Variants in MEAK7 observed in about 807,000 individuals in gnomAD.
MEAK7 encodes the protein MTOR associated protein MEAK7, also known as MTOR-associated protein MEAK7.
A neutral mutation model predicts 40.5 loss-of-function variants in MEAK7; 68 were observed. The ratio of observed to expected loss-of-function variants is 1.68; its 90% CI spans 1.38 to 2.06. The LOEUF (loss-of-function observed/expected upper bound fraction) is 2.06. Ranked by LOEUF, MEAK7 falls within the 30% of genes most tolerant of loss-of-function variation. The pLI is 0.00. For synonymous variants in MEAK7, 338 were observed against 231.9 expected, an observed-to-expected ratio of 1.46 and a Z score of -4.16; for missense variants, 918 against 580.5, an observed-to-expected ratio of 1.58 and a Z score of -5.98.
chr16:84,499,101 G>A (rs960501165), intron 1 of MEAK7, among the ~76,000 whole-genome samples: 6 of 152,176 alleles, frequency 3.9e-5, no homozygotes, highest in Admixed American at 3.3e-4. Context: ...GAGGCGCTGG[G>A]GTAGCGTTAA....
chr16:84,489,561 T>TA (rs1472782328), intron 3 of MEAK7, 139 bp from the exon 4 acceptor site: 3 of 1,020,118 alleles, frequency 2.9e-6, no homozygotes, highest in Non-Finnish European at 2.8e-6. Context: ...GCAATGTATG[T>TA]AGTTACTCGT....
chr16:84,499,248 C>G (rs1162580787), intron 1 of MEAK7, among the ~76,000 whole-genome samples: 1 of 152,196 alleles, frequency 6.6e-6, no homozygotes, highest in Non-Finnish European at 1.5e-5. Flanking sequence ...AACAAAAAAT[C>G]TCTCAAGAGG....
At position 84,479,828 on chromosome 16, in the gene MEAK7, C is replaced by G. The variant is rs1912352586; in HGVS notation, c.*85G>C. The stretch of plus-strand genomic sequence containing the variant: ...GTGCGGTACGCTATTACAGTTAAAC[C>G]ATGTGGGAGGGAAGAGGGGCTGCAG... On this transcript the variant is annotated 3_prime_UTR_variant, in exon 8 of 8. Transcript: ENST00000343629. The G allele has an allele frequency of 9.6e-7, 1 of 1,041,826 alleles. No individual in the cohort carries two copies. Among genetic ancestry groups the G allele is most frequent in the Non-Finnish European group, 1.4e-6 (1 of 727,490 alleles). The allele number at this position is 1,041,826 out of a possible 1,614,324, so 64.5% of individuals were successfully genotyped here.
chr16:84,481,734 C>A (rs1321598863), intron 6 of MEAK7, among the ~76,000 whole-genome samples: 1 of 152,106 alleles, frequency 6.6e-6, no homozygotes, highest in Non-Finnish European at 1.5e-5. Flanking sequence ...GAGATGGAGA[C>A]CATCCTGGCT....
rs1397002742 is a variant in MEAK7, at chr16:84,477,686, C to T, written c.*2227G>A. The T allele has an allele frequency of 2.0e-5, 3 of 151,934 alleles. No individual in the cohort carries two copies. The East Asian group carries it at 5.8e-4, about 29-fold the overall frequency. The allele number at this position is 151,934 out of a possible 1,614,324, so 9.4% of individuals were successfully genotyped here. On this transcript the variant is annotated 3_prime_UTR_variant, in exon 8 of 8. Transcript: ENST00000343629. ...AACCTGAATTCTCATTCTGGTTTCACAAAAGAACAAACTATTCATTTGTGC... is the reference window on the plus strand; with the variant it reads ...AACCTGAATTCTCATTCTGGTTTCATAAAAGAACAAACTATTCATTTGTGC...
chr16:84,486,715 A>C lies in MEAK7; in HGVS notation c.874T>G (p.Cys292Gly), dbSNP rs1913094855. The change falls in exon 5 of 8, where the codon TGT becomes GGT. Residue 292 changes from cysteine to glycine, a missense_variant. Transcript: ENST00000343629. ...TCATGGTCCTCGAGGACAGCCACACAGGGTCCCCGGTGAGTGATGTGGCCA... is the reference window on the plus strand; with the variant it reads ...TCATGGTCCTCGAGGACAGCCACACCGGGTCCCCGGTGAGTGATGTGGCCA... ...LCGHITHRGP[C>G]VAVLEDHDKH... 6.2e-7 allele frequency: 1 copy of C among 1,613,884 alleles called. No individual in the cohort carries two copies.
At chr16:84,492,715 G>A (rs530432327) in intron 3 of MEAK7, among the ~76,000 whole-genome samples, 5 of 152,194 alleles carry the variant, frequency 3.3e-5, no homozygotes, top group African/African-American at 1.2e-4. Context: ...CCGAGTAGCT[G>A]GGACTACAGG....
chr16:84,495,917 C>A lies in MEAK7; in HGVS notation c.154-4G>T. The A allele has an allele frequency of 6.2e-7, 1 of 1,613,756 alleles. No homozygotes were observed. The highest frequency in any genetic ancestry group is 8.5e-7 in the Non-Finnish European group (1 of 1,179,960). ...GAAGAGCTTCCCCGACGTGGTTCTG[C>A]CGGGGACAAGCAGAAAAATATGGTT... On this transcript the variant is annotated splice_region_variant and splice_polypyrimidine_tract_variant and intron_variant, in intron 2 of 7. Transcript: ENST00000343629.
chr16:84,491,390 T>C (rs1403345952), intron 3 of MEAK7, among the ~76,000 whole-genome samples: 2 of 151,848 alleles, frequency 1.3e-5, no homozygotes, highest in Non-Finnish European at 2.9e-5. Context: ...AATACAAAAA[T>C]TAACCAGGTA....
At chr16:84,484,789 T>C (rs148450322) in intron 5 of MEAK7, among the ~76,000 whole-genome samples, 1 of 152,288 alleles carries the variant, frequency 6.6e-6, no homozygotes, top group Non-Finnish European at 1.5e-5. Context: ...AGTCCACGGA[T>C]TTGTACCATG....
At position 84,479,956 on chromosome 16, in the gene MEAK7, G is replaced by A. The variant is rs34628943; in HGVS notation, c.1328C>T (p.Ser443Leu). The change falls in exon 8 of 8, where the codon TCG (serine) becomes TTG (leucine). Residue 443 changes from serine (S) to leucine (L), a missense_variant. By Grantham distance (145) the Ser-to-Leu change is moderately radical (BLOSUM62 -2). Transcript: ENST00000343629. ...AQALLEISGH[S>L]RHSEGLREVP... Reference sequence around the variant, plus strand: ...TTCCCGGAGCCCTTCGCTGTGGCGCGAATGCCCACTGATCTCCAGCAGGGC... The same window carrying A: ...TTCCCGGAGCCCTTCGCTGTGGCGCAAATGCCCACTGATCTCCAGCAGGGC... 30,608 of 1,609,674 alleles carry A rather than the reference G, an allele frequency of 0.019. 376 individuals carry two copies. The highest frequency in any genetic ancestry group is 0.025 in the Middle Eastern group (149 of 6,002).
In MEAK7 at chr16:84,486,767, G is replaced by T. The variant is rs777080270; in HGVS notation, c.822C>A (p.Leu274=). The change falls in exon 5 of 8, where the codon CTC becomes CTA. Residue 274 remains leucine, a synonymous_variant. Coordinates refer to ENST00000343629, the MANE Select transcript of MEAK7 (RefSeq NM_020947.4). The part of the protein sequence containing the change: ...HRWCLLFSSE[L]HGHSFSQLCG... ...AGAGCTGGGAGAAGCTGTGTCCATGGAGCTCAGACGAAAAGAGCAGGCACC... is the reference window on the plus strand; with the variant it reads ...AGAGCTGGGAGAAGCTGTGTCCATGTAGCTCAGACGAAAAGAGCAGGCACC... The T allele has an allele frequency of 1.2e-6, 2 of 1,614,024 alleles. No individual in the cohort carries two copies. The highest frequency in any genetic ancestry group is 1.7e-6 in the Non-Finnish European group (2 of 1,179,892).
chr16:84,495,817 C>T lies in MEAK7; in HGVS notation c.250G>A (p.Glu84Lys). 4 of 1,614,104 alleles carry T rather than the reference C, an allele frequency of 2.5e-6. No homozygotes were observed. Among genetic ancestry groups the T allele is most frequent in the East Asian group, 2.2e-5 (1 of 44,870 alleles). Residue 84 changes from glutamate to lysine, a missense_variant, in exon 3 of 8, where the codon GAG (glutamate) becomes AAG (lysine). By Grantham distance (56) the Glu-to-Lys change is moderately conservative. Transcript: ENST00000343629. ...DLTGKAKGPS[E>K]NVSQEQFTAS... is the part of the protein sequence containing the mutation. ...GTGAACTGCTCCTGGGACACGTTCT[C>T]ACTGGGTCCCTTCGCCTTCCCTGTC...
chr16:84,482,757 G>T (rs768086161), intron 5 of MEAK7, 47 bp from the exon 6 acceptor site: 16 of 1,607,456 alleles, frequency 1.0e-5, no homozygotes, highest in Non-Finnish European at 1.4e-5. Flanking sequence ...TGTCTGAGCC[G>T]GTCCCACAGG....
At chr16:84,495,940 GT>G (rs1567502889) in intron 2 of MEAK7, 27 bp from the exon 3 acceptor site, 2 of 1,610,142 alleles carry the variant, frequency 1.2e-6, no homozygotes. Context: ...GAAAAATATG[GT>G]TAGACAGTGC....
chr16:84,502,470 T>C (rs780053359), intron 1 of MEAK7, among the ~76,000 whole-genome samples: 3 of 152,086 alleles, frequency 2.0e-5, no homozygotes, highest in African/African-American at 4.8e-5. Flanking sequence ...CGGAACTTGA[T>C]ACAAGGGAAC....
chr16:84,479,778 A>G lies in MEAK7; in HGVS notation c.*135T>C, dbSNP rs1912347903. The G allele has an allele frequency of 2.0e-6, 1 of 497,382 alleles. No homozygotes were observed. Among genetic ancestry groups the G allele is most frequent in the Non-Finnish European group, 3.4e-6 (1 of 292,860 alleles). 30.8% of individuals were successfully genotyped at this position (497,382 alleles called of 1,614,324 possible). ...GCTTCAGAGGGCGTCTTCTTGGCAC[A>G]TGTGGGACTACCAGGCTGTGACCCG... On this transcript the variant is annotated 3_prime_UTR_variant, in exon 8 of 8. Coordinates refer to ENST00000343629, the MANE Select transcript of MEAK7 (RefSeq NM_020947.4).
chr16:84,497,549 C>T, intron 2 of MEAK7: 1 of 1,291,984 alleles, frequency 7.7e-7, no homozygotes, highest in Non-Finnish European at 1.0e-6. Flanking sequence ...GTTCAAGAGA[C>T]ACACGAGGCA....
chr16:84,494,887 A>G (rs1913913937), intron 3 of MEAK7: 1 of 437,530 alleles, frequency 2.3e-6, no homozygotes, highest in African/African-American at 2.1e-5. Context: ...CACTCTGCCA[A>G]AAGGAAAAAT....
Sources: gnomAD v4.1 joint callset for allele counts (sites outside exome capture counted in the v4.1 genomes callset) on GRCh38, gnomAD v4.1.1 for gene constraint, MANE v1.5 for transcripts, NCBI Gene and HGNC (gene_info 2026-07-23, HGNC 2026-07-21) for gene names.